Variants in ERMP1 observed in about 807,000 individuals in gnomAD.
The protein encoded by ERMP1 is Felix-ina.
ERMP1 carries 86 observed loss-of-function variants against 92.0 expected under a neutral mutation model. The observed-to-expected ratio is 0.93, with a 90% CI of 0.79 to 1.12. The LOEUF is 1.12. ERMP1 is among the 50% of genes most tolerant of loss of function. The probability of loss-of-function intolerance (pLI) is 0.00; values close to 1 mark genes in which losing one functional copy is unlikely to be tolerated. For missense variants in ERMP1, 1,342 were observed against 1,116.3 expected, an observed-to-expected ratio of 1.20 and a Z score of -2.88; for synonymous variants, 530 against 412.8, an observed-to-expected ratio of 1.28 and a Z score of -3.44.
intron 11 of ERMP1, among the ~76,000 whole-genome samples, chr9:5,800,441 C>T (rs958786233): frequency 7.2e-5 from 11 of 151,894 alleles, no homozygotes; most frequent in African/African-American, 2.2e-4. Flanking sequence ...TTTGGGAGGC[C>T]GAGGTGGGTG....
At chr9:5,813,560 C>G in intron 4 of ERMP1, among the ~76,000 whole-genome samples, 1 of 151,962 alleles carries the variant, frequency 6.6e-6, no homozygotes, top group East Asian at 1.9e-4. Context: ...ATCCCTAATC[C>G]TAAAATCCAA....
At chr9:5,859,374 G>T (rs947997308) in intron 6 of ERMP1, among the ~76,000 whole-genome samples, 10 of 152,056 alleles carry the variant, frequency 6.6e-5, no homozygotes, top group Non-Finnish European at 1.5e-4. Flanking sequence ...GAACCATATA[G>T]GATAATTAGG....
chr9:5,814,063 C>A (rs1256483834), intron 4 of ERMP1, among the ~76,000 whole-genome samples: 2 of 152,042 alleles, frequency 1.3e-5, no homozygotes, highest in Non-Finnish European at 2.9e-5. Context: ...TTGCTCTAGC[C>A]AACAGACTGT....
intron 1 of ERMP1, among the ~76,000 whole-genome samples, chr9:5,832,220 G>C (rs867977378): frequency 9.2e-5 from 14 of 152,210 alleles, no homozygotes; most frequent in Admixed American, 2.6e-4. Flanking sequence ...AGTTTCTATA[G>C]CCTTCAGATG....
chr9:5,816,822 A>C (rs1398012025), intron 4 of ERMP1, among the ~76,000 whole-genome samples: 3 of 152,196 alleles, frequency 2.0e-5, no homozygotes, highest in Non-Finnish European at 4.4e-5. Flanking sequence ...TGACCTGTCC[A>C]AGGTTCCACG....
intron 2 of ERMP1, among the ~76,000 whole-genome samples, chr9:5,830,503 C>T (rs969600198): frequency 6.6e-6 from 1 of 152,198 alleles, no homozygotes; most frequent in Non-Finnish European, 1.5e-5. Flanking sequence ...CACTGGGCTG[C>T]TGGCATTAAC....
At chr9:5,862,247 G>A (rs548463543) in intron 5 of ERMP1, among the ~76,000 whole-genome samples, 25 of 151,528 alleles carry the variant, frequency 1.6e-4, no homozygotes, top group African/African-American at 5.8e-4. Context: ...GTCCAGGCTG[G>A]TCTTGAACTC....
chr9:5,812,088 C>A, intron 6 of ERMP1, 37 bp downstream of exon 6: 1 of 1,232,160 alleles, frequency 8.1e-7, no homozygotes, highest in South Asian at 1.3e-5. Flanking sequence ...AACATTCCAT[C>A]TTAGTGTATA....
chr9:5,834,546 T>C (rs1270843352), upstream of ERMP1, among the ~76,000 whole-genome samples: 1 of 152,218 alleles, frequency 6.6e-6, no homozygotes. Context: ...ACCACTTTTG[T>C]GGCAGCAAGC....
intron 6 of ERMP1, among the ~76,000 whole-genome samples, chr9:5,850,165 G>C (rs1346135567): frequency 6.6e-6 from 1 of 152,060 alleles, no homozygotes; most frequent in African/African-American, 2.4e-5. Context: ...ATCGGCATCA[G>C]AATTACCCTG....
In ERMP1 at chr9:5,811,292, T is replaced by C. The variant is rs938430274; in HGVS notation, c.1146A>G (p.Leu382=). The C allele has an allele frequency of 6.2e-7, 1 of 1,612,894 alleles. No individual in the cohort carries two copies. Among genetic ancestry groups the C allele is most frequent in the Non-Finnish European group, 8.5e-7 (1 of 1,179,778 alleles). The change falls in exon 7 of 15, where the codon CTA becomes CTG. Residue 382 remains leucine (L), a synonymous_variant. Transcript: ENST00000339450. ...CAGCAGCCAGCATATCAGATGTAGC[T>C]AGATGCTTAAGAACTGCTAAAATGT... ...GDNILAVLKH[L]ATSDMLAAAS...
intron 5 of ERMP1, among the ~76,000 whole-genome samples, chr9:5,861,661 ACT>A (rs920195277): frequency 6.9e-6 from 1 of 145,566 alleles, no homozygotes; most frequent in Non-Finnish European, 1.5e-5. Context: ...CTAGGGCTCC[ACT>A]CTCTTCCCAG....
At chr9:5,825,241 T>C in intron 2 of ERMP1, 22 bp from the exon 3 acceptor site, 1 of 1,602,482 alleles carries the variant, frequency 6.2e-7, no homozygotes, top group Non-Finnish European at 8.5e-7. Context: ...AAAAACAAAT[T>C]TGCTGCTCAG....
At chr9:5,859,992 C>G (rs1443128370) in intron 5 of ERMP1, among the ~76,000 whole-genome samples, 1 of 152,094 alleles carries the variant, frequency 6.6e-6, no homozygotes, top group Non-Finnish European at 1.5e-5. Flanking sequence ...TAAATAAGCT[C>G]AACTTAAGTT....
intron 6 of ERMP1, among the ~76,000 whole-genome samples, chr9:5,846,412 T>C (rs1830234319): frequency 6.6e-6 from 1 of 152,184 alleles, no homozygotes; most frequent in African/African-American, 2.4e-5. Flanking sequence ...TGTTTCCTCA[T>C]CTGTAAAAAC....
chr9:5,810,168 C>G lies in ERMP1; in HGVS notation c.1391G>C (p.Ser464Thr). ...TGCTATAATGAGAACGGTAACAAGGCTAGTGAACCAGCTGATCAAAGTGAT... is the reference window on the plus strand; with the variant it reads ...TGCTATAATGAGAACGGTAACAAGGGTAGTGAACCAGCTGATCAAAGTGAT... Reference protein sequence around the residue: ...LGITLISWFTSLVTVLIIAVF... With the variant: ...LGITLISWFTTLVTVLIIAVF... The change falls in exon 8 of 15, where the codon AGC (serine) becomes ACC (threonine). Residue 464 changes from serine to threonine, a missense_variant. Transcript: ENST00000339450. 6.2e-7 allele frequency: 1 copy of G among 1,614,080 alleles called. No individual in the cohort carries two copies. The highest frequency in any genetic ancestry group is 8.5e-7 in the Non-Finnish European group (1 of 1,180,006).
At chr9:5,800,379 T>C (rs1260478298) in intron 11 of ERMP1, among the ~76,000 whole-genome samples, 1 of 152,078 alleles carries the variant, frequency 6.6e-6, no homozygotes, top group Non-Finnish European at 1.5e-5. Context: ...AGATCTAAAA[T>C]AAGTCCTCAA....
At position 5,787,596 on chromosome 9, in the gene ERMP1, G is replaced by A; in HGVS notation, c.2387-3C>T. 1 of 1,605,360 alleles carries A rather than the reference G, an allele frequency of 6.2e-7. No homozygotes were observed. Among genetic ancestry groups the A allele is most frequent in the Non-Finnish European group, 8.5e-7 (1 of 1,177,556 alleles). On this transcript the variant is annotated splice_polypyrimidine_tract_variant and splice_region_variant and intron_variant, in intron 13 of 14. Coordinates refer to ENST00000339450, the MANE Select transcript of ERMP1 (RefSeq NM_024896.3). ...ATAGAAGGACATATGGCTTGGTCCT[G>A]TAAGGTAAAAGGAAGAAAGAACAGT...
chr9:5,857,967 T>C (rs1830401341), intron 6 of ERMP1, among the ~76,000 whole-genome samples: 2 of 152,202 alleles, frequency 1.3e-5, no homozygotes, highest in Admixed American at 1.3e-4. Flanking sequence ...GCACCTCCTA[T>C]ATTCCAGACT....
Sources: allele counts gnomAD v4.1 joint callset (sites outside exome capture counted in the v4.1 genomes callset), GRCh38; gene constraint gnomAD v4.1.1; transcripts MANE v1.5; gene names NCBI Gene and HGNC (gene_info 2026-07-23, HGNC 2026-07-21).